Variants in KDM6A observed in about 807,000 individuals in gnomAD.
KDM6A encodes the protein lysine demethylase 6A, also known as lysine-specific demethylase 6A.
Under a neutral mutation model 117.6 loss-of-function variants are expected in KDM6A, and 11 were observed. That is an observed-to-expected ratio of 0.09 (90% CI 0.06 to 0.15). KDM6A has a LOEUF of 0.15. Among genes scored for constraint, KDM6A ranks in the 10% least tolerant of loss-of-function variants. The pLI is 1.00. For missense variants in KDM6A, 799 were observed against 1,077.3 expected (o/e 0.74, Z 3.62); for synonymous variants, 384 against 396.1 (o/e 0.97, Z 0.36).
At chrX:45,018,236 A>G (rs2042040467) in intron 5 of KDM6A, among the ~76,000 whole-genome samples, 1 of 111,457 alleles carries the variant, frequency 9.0e-6, no homozygotes, top group Non-Finnish European at 1.9e-5. Context: ...TAATCTAGTA[A>G]TGAGATACAG....
intron 2 of KDM6A, among the ~76,000 whole-genome samples, chrX:44,925,103 A>G (rs748114994): frequency 1.5e-4 from 17 of 112,119 alleles, no homozygotes; most frequent in South Asian, 1.1e-3. Context: ...TCCGGGTTCT[A>G]GGGTAATTTC....
intron 2 of KDM6A, among the ~76,000 whole-genome samples, chrX:44,954,608 A>G (rs996549962): frequency 9.0e-6 from 1 of 111,553 alleles, no homozygotes; most frequent in Non-Finnish European, 1.9e-5. Flanking sequence ...GTAGGAAGTT[A>G]GTGGGATGAG....
chrX:44,875,364 A>G (rs5952647), intron 2 of KDM6A, among the ~76,000 whole-genome samples: 39,329 of 110,949 alleles, frequency 0.35, 7,661 homozygotes, highest in African/African-American at 0.75. Context: ...ATAAGGTGTT[A>G]TATTGCATAT....
chrX:45,080,914 G>C lies in KDM6A; in HGVS notation c.3300+1563G>C, dbSNP rs1338820966. 2.7e-5 allele frequency among the ~76,000 whole-genome samples: 3 copies of C among 112,148 alleles called. No individual in the cohort carries two copies. The East Asian group carries it at 8.4e-4, about 32-fold the overall frequency. On this transcript the variant is annotated intron_variant, in intron 21 of 29. Transcript: ENST00000611820. ...CTATTTAAATGGGGAGGGTTCCATA[G>C]CCAAAGAAAGCTTGGGGTTTTGTTG...
At chrX:44,900,416 A>G (rs771712013) in intron 2 of KDM6A, among the ~76,000 whole-genome samples, 6 of 111,987 alleles carry the variant, frequency 5.4e-5, no homozygotes, top group Admixed American at 4.7e-4. Flanking sequence ...CATGTAGTAA[A>G]GTTCTACAAT....
At chrX:45,026,652 TC>T (rs1433668615) in intron 6 of KDM6A, among the ~76,000 whole-genome samples, 3 of 96,818 alleles carry the variant, frequency 3.1e-5, no homozygotes, top group Non-Finnish European at 6.2e-5. Context: ...TATGGAGAAA[TC>T]CCGTCTCTAC....
At chrX:44,991,936 G>C (rs1425446775) in intron 4 of KDM6A, among the ~76,000 whole-genome samples, 2 of 110,614 alleles carry the variant, frequency 1.8e-5, no homozygotes, top group Non-Finnish European at 3.8e-5. Flanking sequence ...TGATCCGCCC[G>C]CCTCAGCCTC....
intron 2 of KDM6A, among the ~76,000 whole-genome samples, chrX:44,948,981 A>G (rs1466339405): frequency 4.4e-5 from 5 of 112,565 alleles, no homozygotes; most frequent in African/African-American, 1.3e-4. Context: ...TTCAGTAGAA[A>G]CAAATTATAG....
intron 23 of KDM6A, 33 bp from the exon 24 acceptor site, chrX:45,083,425 CAG>C (rs765787905): frequency 6.7e-6 from 8 of 1,186,415 alleles, no homozygotes; most frequent in Non-Finnish European, 3.4e-6. Flanking sequence ...GTATTTGTAG[CAG>C]AGTTTCACTT....
At chrX:44,985,049 G>C (rs1281719059) in intron 4 of KDM6A, among the ~76,000 whole-genome samples, 9 of 109,835 alleles carry the variant, frequency 8.2e-5, no homozygotes, top group African/African-American at 3.0e-4. Context: ...CATGAGCATG[G>C]AATGTTCTTC....
chrX:45,025,831 A>G (rs192589178), intron 6 of KDM6A, among the ~76,000 whole-genome samples: 17 of 112,432 alleles, frequency 1.5e-4, no homozygotes, highest in African/African-American at 5.5e-4. Context: ...TTTTTATGGA[A>G]ACCTGTAGAT....
intron 18 of KDM6A, among the ~76,000 whole-genome samples, chrX:45,071,998 C>T (rs1350965978): frequency 9.0e-6 from 1 of 111,402 alleles, no homozygotes; most frequent in Non-Finnish European, 1.9e-5. Flanking sequence ...TGGTCTTGAA[C>T]TCCCAACCTC....
At chrX:45,057,577 A>G (rs2044126382) in intron 10 of KDM6A, among the ~76,000 whole-genome samples, 1 of 111,386 alleles carries the variant, frequency 9.0e-6, no homozygotes, top group Non-Finnish European at 1.9e-5. Flanking sequence ...TTGTTAGAAA[A>G]TTAATATTCC....
At chrX:44,980,042 G>T (rs2039818488) in intron 4 of KDM6A, among the ~76,000 whole-genome samples, 1 of 99,873 alleles carries the variant, frequency 1.0e-5, no homozygotes, top group Admixed American at 1.1e-4. Flanking sequence ...TGTCGCCTAG[G>T]CTGGAGTGCA....
At chrX:45,066,335 C>G (rs1310882706) in intron 17 of KDM6A, among the ~76,000 whole-genome samples, 6 of 112,084 alleles carry the variant, frequency 5.4e-5, no homozygotes, top group Non-Finnish European at 9.4e-5. Context: ...GCTTCCATTT[C>G]CATATACCGT....
chrX:44,978,470 C>T (rs917496936), intron 4 of KDM6A, among the ~76,000 whole-genome samples: 2 of 111,975 alleles, frequency 1.8e-5, no homozygotes, highest in Non-Finnish European at 3.8e-5. Context: ...AGTGCTAGGG[C>T]ACCCTTTCCC....
At chrX:44,954,845 G>A (rs2038225941) in intron 2 of KDM6A, among the ~76,000 whole-genome samples, 2 of 111,281 alleles carry the variant, frequency 1.8e-5, no homozygotes, top group African/African-American at 6.5e-5. Context: ...CAGTCAAGGA[G>A]CAACAAGTGG....
intron 27 of KDM6A, among the ~76,000 whole-genome samples, chrX:45,098,386 T>G (rs1214743475): frequency 8.9e-6 from 1 of 112,614 alleles, no homozygotes; most frequent in African/African-American, 3.2e-5. Context: ...AGACAAAGAT[T>G]AGAGGGTAAA....
intron 5 of KDM6A, among the ~76,000 whole-genome samples, chrX:45,014,320 A>G (rs2041880730): frequency 9.0e-6 from 1 of 111,482 alleles, no homozygotes; most frequent in African/African-American, 3.3e-5. Context: ...AGATAGTTCA[A>G]TTATTTGGTC....
Sources: allele counts gnomAD v4.1 joint callset (sites outside exome capture counted in the v4.1 genomes callset), GRCh38; gene constraint gnomAD v4.1.1; transcripts MANE v1.5; gene names NCBI Gene and HGNC (gene_info 2026-07-23, HGNC 2026-07-21).